Variants in AFAP1L2 observed in about 807,000 individuals in gnomAD.
AFAP1L2 encodes actin filament-associated protein 1-like 2.
In AFAP1L2, 46 loss-of-function variants were observed where a neutral mutation model predicts 99.3. The ratio of observed to expected loss-of-function variants is 0.46; its 90% CI spans 0.37 to 0.59. AFAP1L2 has a LOEUF of 0.59. Ranked by LOEUF, AFAP1L2 falls within the 20% of genes least tolerant of loss-of-function variation. The pLI is 0.00. For missense variants in AFAP1L2, 959 were observed against 1,034.9 expected (o/e 0.93, Z 1.01); for synonymous variants, 397 against 419.1 (o/e 0.95, Z 0.64).
chr10:114,311,184 T>C (rs1000013521), intron 7 of AFAP1L2, among the ~76,000 whole-genome samples: 1 of 152,064 alleles, frequency 6.6e-6, no homozygotes, highest in African/African-American at 2.4e-5. Flanking sequence ...GTTTGGGCAG[T>C]CAGAGGAACA....
intron 1 of AFAP1L2, among the ~76,000 whole-genome samples, chr10:114,382,859 T>C (rs1049255808): frequency 6.6e-6 from 1 of 152,146 alleles, no homozygotes; most frequent in Non-Finnish European, 1.5e-5. Flanking sequence ...CCTCCCAAAA[T>C]GCTAGGATTA....
intron 16 of AFAP1L2, among the ~76,000 whole-genome samples, 186 bp from the exon 17 acceptor site, chr10:114,297,599 T>C (rs1258966653): frequency 1.3e-5 from 2 of 152,182 alleles, no homozygotes; most frequent in Admixed American, 1.3e-4. Flanking sequence ...GCTAGCATTC[T>C]GCAAAGGCTG....
chr10:114,314,906 G>A (rs1365213778), intron 6 of AFAP1L2, among the ~76,000 whole-genome samples: 1 of 152,184 alleles, frequency 6.6e-6, no homozygotes, highest in African/African-American at 2.4e-5. Context: ...ACTTTGGGAG[G>A]CTGAGGCAGG....
intron 4 of AFAP1L2, chr10:114,325,857 G>A (rs1415811253): frequency 3.1e-6 from 4 of 1,279,226 alleles, no homozygotes; most frequent in South Asian, 1.2e-5. Context: ...GCTCCCTAGG[G>A]TCCACAGGGA....
chr10:114,396,493 A>C (rs2057732220), intron 1 of AFAP1L2, among the ~76,000 whole-genome samples: 1 of 152,204 alleles, frequency 6.6e-6, no homozygotes, highest in East Asian at 1.9e-4. Flanking sequence ...CTGATTCTTT[A>C]CATCAAATGC....
rs753450285 is a variant in AFAP1L2, at chr10:114,300,642, T to C, written c.1591A>G (p.Arg531Gly). 2 of 1,612,200 alleles carry C rather than the reference T, an allele frequency of 1.2e-6. No homozygotes were observed. Among genetic ancestry groups the C allele is most frequent in the South Asian group, 1.1e-5 (1 of 90,766 alleles). ...TCCAGGTACACTCGGTCAGATTCTC[T>C]CTCATTTGGGTCATCTGCAACAGGG... ...ATPVADDPNE[R>G]ESDRVYLDLT... is the part of the protein sequence containing the mutation. Residue 531 changes from arginine (R) to glycine (G), a missense_variant, in exon 14 of 19, where the codon AGA (arginine) becomes GGA (glycine). Arg to Gly is a moderately radical substitution (Grantham distance 125). Coordinates refer to ENST00000304129, the MANE Select transcript of AFAP1L2 (RefSeq NM_001001936.3).
intron 1 of AFAP1L2, among the ~76,000 whole-genome samples, chr10:114,355,641 T>C (rs1286134471): frequency 6.6e-6 from 1 of 152,122 alleles, no homozygotes; most frequent in Non-Finnish European, 1.5e-5. Context: ...AATATTTGAA[T>C]GCATACCATC....
downstream of AFAP1L2, chr10:114,291,104 G>A: frequency 1.6e-6 from 2 of 1,225,380 alleles, no homozygotes; most frequent in Non-Finnish European, 1.2e-6. Context: ...CTTCTGCTGG[G>A]GGCGAGGTGG....
chr10:114,303,770 C>T (rs907213955), intron 11 of AFAP1L2, among the ~76,000 whole-genome samples: 1 of 152,182 alleles, frequency 6.6e-6, no homozygotes, highest in African/African-American at 2.4e-5. Context: ...CTCAAAACCC[C>T]GATCTGAGCT....
At chr10:114,285,900 A>G in the AFAP1L2 span, 1 of 1,543,926 alleles carries the variant, frequency 6.5e-7, no homozygotes, top group Admixed American at 1.8e-5. Flanking sequence ...ATGCCGCATG[A>G]CCATGGCTTG....
chr10:114,404,311 G>T, intron 1 of AFAP1L2, 129 bp downstream of exon 1: 1 of 1,109,980 alleles, frequency 9.0e-7, no homozygotes, highest in Non-Finnish European at 1.3e-6. Context: ...TTAGGCCCAG[G>T]TCCGGGCTGG....
At chr10:114,299,512 G>GT in intron 15 of AFAP1L2, 97 bp from the exon 16 acceptor site, 2 of 1,485,056 alleles carry the variant, frequency 1.3e-6, no homozygotes, top group Non-Finnish European at 1.8e-6. Context: ...CTGGGGCTTT[G>GT]GCACAAAGCC....
chr10:114,398,803 G>A (rs1438904322), intron 1 of AFAP1L2: 2 of 1,302,134 alleles, frequency 1.5e-6, no homozygotes, highest in Non-Finnish European at 2.0e-6. Context: ...CGGGAGCCCT[G>A]GAGGCCAGGT....
Position 114,317,426 on chromosome 10 carries a change from G to A in AFAP1L2, c.407-1661C>T, listed in dbSNP as rs182348420. Among the ~76,000 whole-genome samples the A allele has an allele frequency of 1.9e-3, 287 of 152,174 alleles. 1 individual carries two copies. The highest frequency in any genetic ancestry group is 6.5e-3 in the African/African-American group (271 of 41,496). On this transcript the variant is annotated intron_variant, in intron 5 of 18. Transcript: ENST00000304129. Reference sequence around the variant, plus strand: ...CCAGGATGGAACCCTGAACTCTTACGTTATAGGTGACAACGTAAATTAACA... The same window carrying A: ...CCAGGATGGAACCCTGAACTCTTACATTATAGGTGACAACGTAAATTAACA...
chr10:114,289,045 C>T, the AFAP1L2 span: 2 of 1,614,154 alleles, frequency 1.2e-6, no homozygotes, highest in South Asian at 1.1e-5. Flanking sequence ...CTGTGCCCTC[C>T]AGTTTGAGGT....
chr10:114,309,967 A>G (rs1361598179), intron 8 of AFAP1L2, among the ~76,000 whole-genome samples: 2 of 151,920 alleles, frequency 1.3e-5, no homozygotes, highest in Admixed American at 1.3e-4. Flanking sequence ...TCCCTCTGTC[A>G]CCCAGGCTGG....
intron 4 of AFAP1L2, among the ~76,000 whole-genome samples, chr10:114,327,150 TATA>T (rs1564879928): frequency 7.4e-4 from 9 of 12,096 alleles, no homozygotes; most frequent in South Asian, 3.9e-3. Context: ...TATATATTTA[TATA>T]TATATATATA....
At chr10:114,403,316 C>A (rs901999346) in intron 1 of AFAP1L2, among the ~76,000 whole-genome samples, 2 of 152,118 alleles carry the variant, frequency 1.3e-5, no homozygotes, top group African/African-American at 4.8e-5. Context: ...TGAGAAAAAG[C>A]AATGGGAAAG....
chr10:114,297,162 C>G, intron 17 of AFAP1L2, 58 bp downstream of exon 17: 1 of 1,609,292 alleles, frequency 6.2e-7, no homozygotes, highest in Non-Finnish European at 8.5e-7. Flanking sequence ...CCCACCCACC[C>G]CAACCCATGT....
Sources: gnomAD v4.1 joint callset for allele counts (sites outside exome capture counted in the v4.1 genomes callset) on GRCh38, gnomAD v4.1.1 for gene constraint, MANE v1.5 for transcripts, NCBI Gene and HGNC (gene_info 2026-07-23, HGNC 2026-07-21) for gene names.